Variants in CHRM3 observed in about 807,000 individuals in gnomAD.
The protein encoded by CHRM3 is muscarinic acetylcholine receptor M3.
A neutral mutation model predicts 41.8 loss-of-function variants in CHRM3; 11 were observed. The ratio of observed to expected loss-of-function variants is 0.26; its 90% CI spans 0.17 to 0.44. CHRM3 has a LOEUF of 0.44. Among genes scored for constraint, CHRM3 ranks in the 20% least tolerant of loss-of-function variants. The pLI is 1.00. For missense variants in CHRM3, 571 were observed against 745.4 expected, an observed-to-expected ratio of 0.77 and a Z score of 2.72; for synonymous variants, 297 against 301.4, an observed-to-expected ratio of 0.99 and a Z score of 0.15.
At chr1:239,618,822 A>C (rs113348074) in intron 3 of CHRM3, among the ~76,000 whole-genome samples, 4,411 of 132,482 alleles carry the variant, frequency 0.033, 101 homozygotes, top group Middle Eastern at 0.052. Flanking sequence ...CCAGCCTGGG[A>C]GACAGAGCGA....
At chr1:239,600,956 T>A (rs1468102876) in intron 3 of CHRM3, among the ~76,000 whole-genome samples, 3 of 152,162 alleles carry the variant, frequency 2.0e-5, no homozygotes, top group African/African-American at 7.2e-5. Flanking sequence ...TGCAACAAAG[T>A]CCATTTGAGA....
At chr1:239,404,410 A>AGAG (rs1553293483) in intron 1 of CHRM3, among the ~76,000 whole-genome samples, 3 of 51,754 alleles carry the variant, frequency 5.8e-5, no homozygotes, top group African/African-American at 1.9e-4. Context: ...GAAAGAAAGA[A>AGAG]AAAGAAAGAA....
At chr1:239,407,783 G>T (rs866935267) in intron 1 of CHRM3, among the ~76,000 whole-genome samples, 1 of 151,970 alleles carries the variant, frequency 6.6e-6, no homozygotes, top group African/African-American at 2.4e-5. Context: ...CAACTTGTTA[G>T]TTTCTAATTA....
intron 3 of CHRM3, among the ~76,000 whole-genome samples, chr1:239,618,271 T>TC (rs1667861129): frequency 8.0e-6 from 1 of 124,514 alleles, no homozygotes; most frequent in Non-Finnish European, 1.7e-5. Context: ...TACTTTTTTT[T>TC]TCTTTCTTTT....
chr1:239,583,356 T>C (rs1663083590), intron 3 of CHRM3, among the ~76,000 whole-genome samples: 1 of 152,212 alleles, frequency 6.6e-6, no homozygotes, highest in Admixed American at 6.5e-5. Flanking sequence ...TATGAGCTTA[T>C]TAAATACTAG....
At chr1:239,854,952 T>C (rs1474104062) in intron 6 of CHRM3, among the ~76,000 whole-genome samples, 3 of 152,212 alleles carry the variant, frequency 2.0e-5, no homozygotes, top group Non-Finnish European at 4.4e-5. Flanking sequence ...GTTTTTGTCA[T>C]GTCTTTCTTT....
chr1:239,483,368 G>A (rs1020956498), intron 1 of CHRM3, among the ~76,000 whole-genome samples: 1 of 152,180 alleles, frequency 6.6e-6, no homozygotes, highest in African/African-American at 2.4e-5. Flanking sequence ...TAATCATGCT[G>A]TTCTTGGATT....
At chr1:239,602,108 G>GTATA (rs1293974734) in intron 3 of CHRM3, among the ~76,000 whole-genome samples, 1 of 129,410 alleles carries the variant, frequency 7.7e-6, no homozygotes, top group African/African-American at 3.4e-5. Flanking sequence ...GTGTGTGTGT[G>GTATA]TGTATATATA....
At chr1:239,543,504 ATTTAT>A (rs1390849642) in intron 2 of CHRM3, among the ~76,000 whole-genome samples, 1 of 150,146 alleles carries the variant, frequency 6.7e-6, no homozygotes, top group African/African-American at 2.4e-5. Flanking sequence ...TCAGCAACCG[ATTTAT>A]TTTATTTTTT....
Position 239,408,560 on chromosome 1 carries a change from A to G in CHRM3, c.-521+21333A>G, listed in dbSNP as rs190419719. ...AAAAAAAAAACTCTCTCCTTTATAA[A>G]TTACCCAGTCTTGGGTATGTCCTTA... On this transcript the variant is annotated intron_variant, in intron 1 of 6. Transcript: ENST00000676153. Among the ~76,000 whole-genome samples the G allele has an allele frequency of 8.9e-3, 1,345 of 151,536 alleles. 12 individuals carry two copies. The highest frequency in any genetic ancestry group is 0.013 in the Non-Finnish European group (900 of 67,926).
At chr1:239,805,108 T>C (rs1393306450) in intron 5 of CHRM3, among the ~76,000 whole-genome samples, 1 of 152,180 alleles carries the variant, frequency 6.6e-6, no homozygotes, top group Non-Finnish European at 1.5e-5. Flanking sequence ...GATTGCTATG[T>C]TTCATGACAC....
At chr1:239,448,214 T>C (rs1383935593) in intron 1 of CHRM3, among the ~76,000 whole-genome samples, 1 of 152,212 alleles carries the variant, frequency 6.6e-6, no homozygotes, top group Non-Finnish European at 1.5e-5. Context: ...GCAACATTAA[T>C]AGTAAGCAAC....
intron 3 of CHRM3, among the ~76,000 whole-genome samples, chr1:239,593,395 T>C (rs1279837455): frequency 6.6e-6 from 1 of 152,176 alleles, no homozygotes; most frequent in African/African-American, 2.4e-5. Context: ...TGATTTCTTC[T>C]TTAGTTTCCA....
intron 1 of CHRM3, among the ~76,000 whole-genome samples, chr1:239,406,106 G>T (rs549083660): frequency 6.6e-6 from 1 of 152,160 alleles, no homozygotes; most frequent in Admixed American, 6.5e-5. Flanking sequence ...TGGCCAGGCT[G>T]ATCTCGAACT....
At chr1:239,811,715 A>T (rs1360782927) in intron 5 of CHRM3, among the ~76,000 whole-genome samples, 2 of 152,172 alleles carry the variant, frequency 1.3e-5, no homozygotes. Flanking sequence ...CTGCATATTG[A>T]CTCATGCTTT....
chr1:239,832,037 A>G (rs895329962), intron 6 of CHRM3, among the ~76,000 whole-genome samples: 6 of 152,178 alleles, frequency 3.9e-5, no homozygotes, highest in Non-Finnish European at 8.8e-5. Flanking sequence ...TGTGACCTTT[A>G]TAGAAATGAA....
At chr1:239,427,638 G>T (rs569558991) in intron 1 of CHRM3, among the ~76,000 whole-genome samples, 1 of 152,050 alleles carries the variant, frequency 6.6e-6, no homozygotes, top group Non-Finnish European at 1.5e-5. Flanking sequence ...CCAGGGCAGG[G>T]TCAAGAAGGG....
chr1:239,670,345 A>G (rs976041356), intron 4 of CHRM3, among the ~76,000 whole-genome samples: 9 of 152,164 alleles, frequency 5.9e-5, no homozygotes, highest in Admixed American at 2.0e-4. Context: ...AAATAAAATC[A>G]TAGGTAAAAT....
At chr1:239,681,493 A>C (rs1183511451) in intron 5 of CHRM3, among the ~76,000 whole-genome samples, 1 of 152,296 alleles carries the variant, frequency 6.6e-6, no homozygotes, top group Middle Eastern at 3.4e-3. Context: ...TTACACCATC[A>C]GTGTAAAAAT....
Sources: gnomAD v4.1 joint callset for allele counts (sites outside exome capture counted in the v4.1 genomes callset) on GRCh38, gnomAD v4.1.1 for gene constraint, MANE v1.5 for transcripts, NCBI Gene and HGNC (gene_info 2026-07-23, HGNC 2026-07-21) for gene names.